Variants in RASSF8 observed in about 807,000 individuals in gnomAD.
RASSF8 encodes the protein Ras association domain family member 8, also known as ras association domain-containing protein 8.
In RASSF8, 22 loss-of-function variants were observed where a neutral mutation model predicts 48.5. That is an observed-to-expected ratio of 0.45 (90% CI 0.32 to 0.65). The LOEUF (loss-of-function observed/expected upper bound fraction) is 0.65. RASSF8 is among the 30% of genes least tolerant of loss of function. The pLI is 0.03. For missense variants in RASSF8, 418 were observed against 489.2 expected (o/e 0.85, Z 1.37); for synonymous variants, 127 against 171.5 (o/e 0.74, Z 2.03).
chr12:25,963,449 C>G (rs557229177), intron 1 of RASSF8, among the ~76,000 whole-genome samples: 45 of 151,852 alleles, frequency 3.0e-4, no homozygotes, highest in Non-Finnish European at 8.8e-5. Flanking sequence ...CTCTGAAGTA[C>G]TTATGTCTGT....
In RASSF8 at chr12:26,056,129, G is replaced by A. The variant is rs534011396; in HGVS notation, c.103+683G>A. Among the ~76,000 whole-genome samples the A allele has an allele frequency of 3.3e-5, 5 of 152,254 alleles. No individual in the cohort carries two copies. In the South Asian group the frequency reaches 1.0e-3, roughly 32 times the overall value. On this transcript the variant is annotated intron_variant, in intron 3 of 5. Coordinates refer to ENST00000689635, the MANE Select transcript of RASSF8 (RefSeq NM_001394098.1). ...CAACCCAGGAGACAGAGGTTGCAGTGAGCCAAGATCATGCCACTGCACTAC... is the reference window on the plus strand; with the variant it reads ...CAACCCAGGAGACAGAGGTTGCAGTAAGCCAAGATCATGCCACTGCACTAC...
intron 2 of RASSF8, among the ~76,000 whole-genome samples, chr12:26,045,062 G>T (rs2137179663): frequency 6.6e-6 from 1 of 152,186 alleles, no homozygotes; most frequent in Non-Finnish European, 1.5e-5. Flanking sequence ...AATTGGCTTA[G>T]ATTTTCTTCA....
intron 4 of RASSF8, among the ~76,000 whole-genome samples, chr12:26,066,351 C>T (rs1943875045): frequency 6.6e-6 from 1 of 152,104 alleles, no homozygotes; most frequent in Non-Finnish European, 1.5e-5. Context: ...TACCTGTGTA[C>T]AGTGAGGTTT....
chr12:26,035,924 T>C (rs1021983731), intron 2 of RASSF8, among the ~76,000 whole-genome samples: 8 of 146,378 alleles, frequency 5.5e-5, no homozygotes, highest in Non-Finnish European at 1.0e-4. Context: ...ATATATGATA[T>C]ATATCATATA....
chr12:25,985,480 G>C (rs953093072), intron 1 of RASSF8, among the ~76,000 whole-genome samples: 2 of 152,222 alleles, frequency 1.3e-5, no homozygotes, highest in Non-Finnish European at 2.9e-5. Context: ...TGGCAGTGCA[G>C]GGGTCCAGTT....
chr12:25,969,859 A>G (rs1382088425), intron 1 of RASSF8, among the ~76,000 whole-genome samples: 1 of 152,020 alleles, frequency 6.6e-6, no homozygotes, highest in Non-Finnish European at 1.5e-5. Flanking sequence ...TCAGCATCCT[A>G]TCTGGTGAAG....
chr12:25,970,485 T>C (rs1384180356), intron 1 of RASSF8, among the ~76,000 whole-genome samples: 1 of 152,200 alleles, frequency 6.6e-6, no homozygotes, highest in Non-Finnish European at 1.5e-5. Flanking sequence ...TTTCTCCATC[T>C]TCCATCATTC....
chr12:26,071,057 A>T lies in RASSF8; in HGVS notation c.*2239A>T, dbSNP rs961634744. ...TCTTCATAGACCTAATTACAGATTTAAAAAAATTTCCTAGGCGACGAAAGT... is the reference window on the plus strand; with the variant it reads ...TCTTCATAGACCTAATTACAGATTTTAAAAAATTTCCTAGGCGACGAAAGT... On this transcript the variant is annotated 3_prime_UTR_variant, in exon 6 of 6. Transcript: ENST00000689635. 11 of 984,326 alleles carry T rather than the reference A, an allele frequency of 1.1e-5. No individual in the cohort carries two copies. The highest frequency in any genetic ancestry group is 5.2e-4 in the Middle Eastern group (1 of 1,912). 61.0% of individuals were successfully genotyped at this position (984,326 alleles called of 1,614,324 possible). A position where few individuals can be genotyped will look rare whatever the true frequency, so the allele number is the denominator to read the frequency against.
chr12:26,059,699 C>A (rs969559020), intron 3 of RASSF8, among the ~76,000 whole-genome samples: 1 of 152,060 alleles, frequency 6.6e-6, no homozygotes. Flanking sequence ...TAATTAGCTT[C>A]TGTATTTTCC....
chr12:25,978,745 G>A (rs1033868232), intron 1 of RASSF8, among the ~76,000 whole-genome samples: 1 of 151,822 alleles, frequency 6.6e-6, no homozygotes, highest in Non-Finnish European at 1.5e-5. Flanking sequence ...GGTCATTCTG[G>A]TGGCATTATT....
intron 1 of RASSF8, among the ~76,000 whole-genome samples, chr12:25,993,860 CTTTCTT>C (rs2136955221): frequency 6.6e-6 from 1 of 152,262 alleles, no homozygotes; most frequent in South Asian, 2.1e-4. Context: ...GTGACTGCTA[CTTTCTT>C]TTTAAGATTT....
chr12:26,057,911 C>T (rs1943645087), intron 3 of RASSF8, among the ~76,000 whole-genome samples: 1 of 152,126 alleles, frequency 6.6e-6, no homozygotes, highest in African/African-American at 2.4e-5. Flanking sequence ...TGTCTGTTGG[C>T]TGCATAAATG....
chr12:25,980,319 T>G (rs1348339672), intron 1 of RASSF8, among the ~76,000 whole-genome samples: 1 of 152,208 alleles, frequency 6.6e-6, no homozygotes, highest in Non-Finnish European at 1.5e-5. Flanking sequence ...TAATCTATTC[T>G]AAGATAAATG....
At chr12:26,025,967 A>G (rs556253557) in intron 2 of RASSF8, among the ~76,000 whole-genome samples, 268 of 152,280 alleles carry the variant, frequency 1.8e-3, no homozygotes, top group Admixed American at 4.6e-3. Flanking sequence ...AGCCCCCTAT[A>G]TACACGTATA....
At chr12:26,051,368 G>A (rs1264965600) in intron 2 of RASSF8, among the ~76,000 whole-genome samples, 3 of 152,180 alleles carry the variant, frequency 2.0e-5, no homozygotes, top group Non-Finnish European at 4.4e-5. Flanking sequence ...AGAAGAAAGA[G>A]CATGAGCTTA....
At chr12:26,013,074 G>A (rs1036973441) in intron 2 of RASSF8, among the ~76,000 whole-genome samples, 4 of 152,064 alleles carry the variant, frequency 2.6e-5, no homozygotes, top group Admixed American at 6.5e-5. Flanking sequence ...TATATCTCCC[G>A]GAGCTAAAAA....
At position 26,022,062 on chromosome 12, in the gene RASSF8, C is replaced by T. The variant is rs191778360; in HGVS notation, c.-109+26932C>T. On this transcript the variant is annotated intron_variant, in intron 2 of 5. Transcript: ENST00000689635. ...GTCAGATCAAACCTCAAAGACTGGCCAAAGAACCCCACCCCCTAGTTTATT... is the reference window on the plus strand; with the variant it reads ...GTCAGATCAAACCTCAAAGACTGGCTAAAGAACCCCACCCCCTAGTTTATT... Among the ~76,000 whole-genome samples the T allele has an allele frequency of 1.2e-3, 190 of 152,260 alleles. 1 individual carries two copies. Among genetic ancestry groups the T allele is most frequent in the Non-Finnish European group, 1.2e-3 (83 of 68,012 alleles).
At chr12:26,016,713 C>T (rs1348384386) in intron 2 of RASSF8, among the ~76,000 whole-genome samples, 1 of 152,142 alleles carries the variant, frequency 6.6e-6, no homozygotes, top group Non-Finnish European at 1.5e-5. Flanking sequence ...CCACGTCAGT[C>T]CATTTCATAA....
At chr12:26,039,041 A>G (rs547622052) in intron 2 of RASSF8, among the ~76,000 whole-genome samples, 1 of 152,320 alleles carries the variant, frequency 6.6e-6, no homozygotes, top group East Asian at 1.9e-4. Context: ...CATTAGAATC[A>G]CAGAACTGTA....
Sources: allele counts gnomAD v4.1 joint callset (sites outside exome capture counted in the v4.1 genomes callset), GRCh38; gene constraint gnomAD v4.1.1; transcripts MANE v1.5; gene names NCBI Gene and HGNC (gene_info 2026-07-23, HGNC 2026-07-21).